Variants in GKAP1 observed in about 807,000 individuals in gnomAD.
GKAP1 encodes the protein G kinase-anchoring protein 1.
A neutral mutation model predicts 56.7 loss-of-function variants in GKAP1; 31 were observed. The ratio of observed to expected loss-of-function variants is 0.55; its 90% confidence interval spans 0.41 to 0.74. The LOEUF (loss-of-function observed/expected upper bound fraction) is 0.74, where lower values mean the gene tolerates loss of function less well. Among genes scored for constraint, GKAP1 ranks in the 30% least tolerant of loss-of-function variants. The probability of loss-of-function intolerance (pLI) is 0.00; values close to 1 mark genes in which losing one functional copy is unlikely to be tolerated. For synonymous variants in GKAP1, 151 were observed against 138.6 expected, an observed-to-expected ratio of 1.09 and a Z score of -0.63; for missense variants, 364 against 402.3, an observed-to-expected ratio of 0.90 and a Z score of 0.82.
At chr9:83,755,132 A>G (rs555557304) in intron 8 of GKAP1, among the ~76,000 whole-genome samples, 35 of 152,306 alleles carry the variant, frequency 2.3e-4, no homozygotes, top group African/African-American at 8.2e-4. Flanking sequence ...AAGTTCTGGA[A>G]TCTCACTTCT....
intron 2 of GKAP1, among the ~76,000 whole-genome samples, chr9:83,815,857 T>A (rs916242855): frequency 9.2e-5 from 14 of 152,090 alleles, no homozygotes; most frequent in African/African-American, 2.9e-4. Context: ...GTTCTTCAGA[T>A]AACCAAACAG....
At chr9:83,739,768 G>T (rs779007668) in intron 12 of GKAP1, 24 bp from the exon 13 acceptor site, 1 of 1,516,754 alleles carries the variant, frequency 6.6e-7, no homozygotes, top group East Asian at 2.3e-5. Context: ...AAAAAATAGG[G>T]AAAATTATTT....
chr9:83,767,856 T>G (rs1029247098), intron 8 of GKAP1, among the ~76,000 whole-genome samples: 2 of 152,048 alleles, frequency 1.3e-5, no homozygotes, highest in Non-Finnish European at 2.9e-5. Flanking sequence ...TTGGCTAATT[T>G]TTGTATTTTT....
chr9:83,797,602 T>C (rs1396351644), intron 4 of GKAP1, among the ~76,000 whole-genome samples: 2 of 152,182 alleles, frequency 1.3e-5, no homozygotes, highest in African/African-American at 4.8e-5. Flanking sequence ...ATCAGTAGTA[T>C]ACTCAGCAGA....
chr9:83,749,337 C>A (rs1587689770), intron 9 of GKAP1, among the ~76,000 whole-genome samples: 1 of 151,762 alleles, frequency 6.6e-6, no homozygotes, highest in South Asian at 2.1e-4. Flanking sequence ...AGTGATTTTC[C>A]TGCCTCAGCC....
At chr9:83,779,558 T>C (rs1308452536) in intron 7 of GKAP1, among the ~76,000 whole-genome samples, 1 of 124,472 alleles carries the variant, frequency 8.0e-6, no homozygotes, top group Admixed American at 8.1e-5. Context: ...CGTGTATATG[T>C]GTATATATAT....
At chr9:83,774,053 A>T (rs1025425620) in intron 7 of GKAP1, among the ~76,000 whole-genome samples, 3 of 151,966 alleles carry the variant, frequency 2.0e-5, no homozygotes, top group African/African-American at 7.2e-5. Context: ...TATCTTTAGT[A>T]GAGACGGGGT....
intron 9 of GKAP1, among the ~76,000 whole-genome samples, chr9:83,752,744 T>G (rs1943411863): frequency 6.6e-6 from 1 of 152,188 alleles, no homozygotes; most frequent in South Asian, 2.1e-4. Context: ...TTATACTATG[T>G]GTAAACTATA....
At chr9:83,788,213 G>A (rs977057728) in intron 5 of GKAP1, among the ~76,000 whole-genome samples, 7 of 152,178 alleles carry the variant, frequency 4.6e-5, no homozygotes, top group African/African-American at 1.4e-4. Flanking sequence ...GGGAGGCGGA[G>A]GTTGCAGTGA....
intron 2 of GKAP1, among the ~76,000 whole-genome samples, chr9:83,812,246 T>TATACGTATATATACACATATATATACAC: frequency 6.7e-6 from 1 of 148,714 alleles, no homozygotes; most frequent in South Asian, 2.1e-4. Context: ...CATATATACG[T>TATACGTATATATACACATATATATACAC]ATATATGTAT....
At chr9:83,751,367 T>C (rs1306919544) in intron 9 of GKAP1, among the ~76,000 whole-genome samples, 1 of 152,226 alleles carries the variant, frequency 6.6e-6, no homozygotes, top group Non-Finnish European at 1.5e-5. Context: ...TCTGTTCTTC[T>C]GGAGCATTCT....
chr9:83,777,620 G>A (rs1943885693), intron 7 of GKAP1, among the ~76,000 whole-genome samples: 1 of 152,002 alleles, frequency 6.6e-6, no homozygotes, highest in Non-Finnish European at 1.5e-5. Context: ...TTTCCCTTCT[G>A]AATGTTATCC....
intron 4 of GKAP1, among the ~76,000 whole-genome samples, chr9:83,790,265 T>C (rs191365113): frequency 1.2e-4 from 18 of 152,308 alleles, no homozygotes; most frequent in Admixed American, 7.8e-4. Flanking sequence ...ATACATACTT[T>C]ATGGAATAAC....
At chr9:83,797,710 G>C (rs1174158203) in intron 4 of GKAP1, among the ~76,000 whole-genome samples, 1 of 152,196 alleles carries the variant, frequency 6.6e-6, no homozygotes, top group African/African-American at 2.4e-5. Flanking sequence ...CATTTCAGCA[G>C]CAATCAGTGG....
chr9:83,811,550 ACACT>A (rs1434553528), intron 2 of GKAP1, among the ~76,000 whole-genome samples: 2 of 152,226 alleles, frequency 1.3e-5, no homozygotes, highest in South Asian at 4.1e-4. Context: ...CCAATGACAA[ACACT>A]CAAAAGACAA....
chr9:83,803,696 G>A (rs1376173790), intron 3 of GKAP1, among the ~76,000 whole-genome samples: 3 of 151,308 alleles, frequency 2.0e-5, no homozygotes, highest in East Asian at 2.0e-4. Flanking sequence ...AGTGAGGAGC[G>A]TCTCTGCCTG....
At chr9:83,794,741 G>T (rs1438573709) in intron 4 of GKAP1, among the ~76,000 whole-genome samples, 1 of 152,176 alleles carries the variant, frequency 6.6e-6, no homozygotes, top group Non-Finnish European at 1.5e-5. Flanking sequence ...GGAATCAATA[G>T]TATCAGTGCA....
At chr9:83,756,527 CTCA>C (rs35590935) in intron 8 of GKAP1, among the ~76,000 whole-genome samples, 80,132 of 148,970 alleles carry the variant, frequency 0.54, 22,435 homozygotes, top group Admixed American at 0.69. Flanking sequence ...GTCCTGAATG[CTCA>C]TCATTTGTAT....
chr9:83,751,087 G>A (rs533779817), intron 9 of GKAP1, among the ~76,000 whole-genome samples: 15 of 152,134 alleles, frequency 9.9e-5, no homozygotes, highest in South Asian at 2.1e-4. Context: ...CGCCTGCCCC[G>A]GCCTCCCAAA....
Sources: gnomAD v4.1 joint callset for allele counts (sites outside exome capture counted in the v4.1 genomes callset) on GRCh38, gnomAD v4.1.1 for gene constraint, MANE v1.5 for transcripts, NCBI Gene and HGNC (gene_info 2026-07-23, HGNC 2026-07-21) for gene names.